Variants in SPAG16 observed in about 807,000 individuals in gnomAD.
SPAG16 encodes the protein sperm associated antigen 16, also known as sperm-associated antigen 16 protein.
A neutral mutation model predicts 80.4 loss-of-function variants in SPAG16; 86 were observed. That is an observed-to-expected ratio of 1.07 (90% confidence interval 0.90 to 1.28). The LOEUF (loss-of-function observed/expected upper bound fraction) is 1.28, where lower values mean the gene tolerates loss of function less well. Ranked by LOEUF, SPAG16 falls within the 50% of genes most tolerant of loss-of-function variation. The pLI is 0.00. For synonymous variants in SPAG16, 294 were observed against 265.9 expected (o/e 1.11, Z -1.03); for missense variants, 870 against 765.3 (o/e 1.14, Z -1.61).
At chr2:214,215,193 C>T (rs555164235) in intron 15 of SPAG16, among the ~76,000 whole-genome samples, 22 of 152,112 alleles carry the variant, frequency 1.4e-4, no homozygotes, top group Non-Finnish European at 2.9e-4. Flanking sequence ...AGACACAGAC[C>T]CTCCAAATTC....
chr2:214,156,842 C>T (rs576545317), intron 15 of SPAG16, among the ~76,000 whole-genome samples: 4 of 152,178 alleles, frequency 2.6e-5, no homozygotes, highest in African/African-American at 9.6e-5. Context: ...AAGAAGAAAG[C>T]AGGCCAACTT....
chr2:213,602,132 C>T (rs191840304), intron 10 of SPAG16, among the ~76,000 whole-genome samples: 10 of 152,322 alleles, frequency 6.6e-5, no homozygotes, highest in East Asian at 5.8e-4. Context: ...TAACAGGCCA[C>T]GGACCAGCAC....
intron 10 of SPAG16, among the ~76,000 whole-genome samples, chr2:213,524,859 A>G (rs1405996129): frequency 6.6e-6 from 1 of 152,096 alleles, no homozygotes; most frequent in Non-Finnish European, 1.5e-5. Flanking sequence ...TGGAATTTTG[A>G]GTTAATGTTG....
At chr2:213,643,558 A>G (rs977431829) in intron 10 of SPAG16, among the ~76,000 whole-genome samples, 4 of 148,956 alleles carry the variant, frequency 2.7e-5, no homozygotes, top group African/African-American at 7.4e-5. Flanking sequence ...TTCTCTATGT[A>G]TAGAAAGTTC....
intron 13 of SPAG16, among the ~76,000 whole-genome samples, chr2:214,062,146 A>G (rs2050297027): frequency 6.6e-6 from 1 of 152,120 alleles, no homozygotes. Flanking sequence ...TGGGCCAGGC[A>G]GAGTGGCTCA....
At chr2:213,413,462 A>G (rs2069096290) in intron 9 of SPAG16, among the ~76,000 whole-genome samples, 1 of 152,180 alleles carries the variant, frequency 6.6e-6, no homozygotes, top group South Asian at 2.1e-4. Flanking sequence ...GCATCTCATC[A>G]TGTGCTAGAC....
At position 213,831,115 on chromosome 2, in the gene SPAG16, C is replaced by T. The variant is rs187887601; in HGVS notation, c.1071-31370C>T. On this transcript the variant is annotated intron_variant, in intron 10 of 15. Coordinates refer to ENST00000331683, the MANE Select transcript of SPAG16 (RefSeq NM_024532.5). ...AGTGCAGTGGCCCAATCTCAGCTCACTGCAACCTTAGCCTCCTGAGTTCAA... is the reference window on the plus strand; with the variant it reads ...AGTGCAGTGGCCCAATCTCAGCTCATTGCAACCTTAGCCTCCTGAGTTCAA... Among the ~76,000 whole-genome samples, 917 of 144,040 alleles carry T rather than the reference C, an allele frequency of 6.4e-3. 10 individuals are homozygous for T. The highest frequency in any genetic ancestry group is 7.8e-3 in the Non-Finnish European group (521 of 66,702). 94.5% of individuals were successfully genotyped at this position (144,040 alleles called of 152,430 possible).
At chr2:213,833,459 TATATATTATATATAATAA>T in intron 10 of SPAG16, among the ~76,000 whole-genome samples, 1 of 15,040 alleles carries the variant, frequency 6.6e-5, no homozygotes, top group Admixed American at 1.3e-3. Flanking sequence ...ATATATTATA[TATATATTATATATAATAA>T]TATATATATT....
At chr2:213,818,265 GT>G (rs150534207) in intron 10 of SPAG16, among the ~76,000 whole-genome samples, 3,257 of 152,288 alleles carry the variant, frequency 0.021, 49 homozygotes, top group Non-Finnish European at 0.033. Flanking sequence ...ACCTGGTAGA[GT>G]TTATCTCATA....
intron 9 of SPAG16, among the ~76,000 whole-genome samples, chr2:213,409,915 T>C (rs2068863696): frequency 2.0e-5 from 3 of 152,162 alleles, no homozygotes; most frequent in Non-Finnish European, 4.4e-5. Flanking sequence ...TTCCTTTTCC[T>C]CAAAACTAAA....
intron 10 of SPAG16, among the ~76,000 whole-genome samples, chr2:213,758,467 T>C (rs1186216628): frequency 2.6e-5 from 4 of 151,790 alleles, no homozygotes; most frequent in Admixed American, 6.5e-5. Flanking sequence ...GAAAATGATA[T>C]ATGAACAAAA....
chr2:214,161,117 G>A (rs557185923), intron 15 of SPAG16, among the ~76,000 whole-genome samples: 1 of 152,124 alleles, frequency 6.6e-6, no homozygotes, highest in East Asian at 1.9e-4. Flanking sequence ...CCATGTTTCT[G>A]CAAATAACAT....
At position 213,591,813 on chromosome 2, in the gene SPAG16, C is replaced by G. The variant is rs544086516; in HGVS notation, c.1070+101723C>G. Among the ~76,000 whole-genome samples, 4 of 152,286 alleles carry G rather than the reference C, an allele frequency of 2.6e-5. No homozygotes were observed. In the South Asian group the frequency reaches 8.3e-4, roughly 32 times the overall value. On this transcript the variant is annotated intron_variant, in intron 10 of 15. Coordinates refer to ENST00000331683, the MANE Select transcript of SPAG16 (RefSeq NM_024532.5). ...GACATAAAAGGATTCTTGCTGAAGA[C>G]AGGCCAGGAGATCAGACAACACCTG... is the stretch of plus-strand genomic sequence containing the variant.
At chr2:213,913,732 C>T (rs1006717964) in intron 11 of SPAG16, among the ~76,000 whole-genome samples, 1 of 151,634 alleles carries the variant, frequency 6.6e-6, no homozygotes, top group African/African-American at 2.4e-5. Flanking sequence ...GAGATACATG[C>T]AGAGACAGAG....
At chr2:213,614,098 C>A (rs1226473225) in intron 10 of SPAG16, among the ~76,000 whole-genome samples, 1 of 152,132 alleles carries the variant, frequency 6.6e-6, no homozygotes, top group Non-Finnish European at 1.5e-5. Flanking sequence ...TACTGTTTCC[C>A]AAACAACTTA....
At chr2:214,387,883 G>T (rs962681624) in intron 15 of SPAG16, among the ~76,000 whole-genome samples, 2 of 152,278 alleles carry the variant, frequency 1.3e-5, no homozygotes, top group South Asian at 2.1e-4. Flanking sequence ...CCCACAGCAC[G>T]TGTGGATTAT....
At position 214,051,338 on chromosome 2, in the gene SPAG16, A is replaced by G. The variant is rs74932708; in HGVS notation, c.1527+37261A>G. On this transcript the variant is annotated intron_variant, in intron 13 of 15. Coordinates refer to ENST00000331683, the MANE Select transcript of SPAG16 (RefSeq NM_024532.5). ...AACTAAGGGTAGAAATAAGAAGACC[A>G]AAAGGAATTGCCAAGAAAAGCTTTT... 2.8e-4 allele frequency among the ~76,000 whole-genome samples: 43 copies of G among 152,342 alleles called. No individual in the cohort carries two copies. In the East Asian group the frequency reaches 8.1e-3, roughly 29 times the overall value.
intron 15 of SPAG16, among the ~76,000 whole-genome samples, chr2:214,405,251 T>A (rs1220656345): frequency 6.6e-6 from 1 of 152,078 alleles, no homozygotes; most frequent in African/African-American, 2.4e-5. Flanking sequence ...GCCTCCACAG[T>A]AGCTAGGACT....
In SPAG16 at chr2:214,125,495, A is replaced by T. The variant is rs546418806; in HGVS notation, c.1593+17234A>T. Among the ~76,000 whole-genome samples, 7 of 151,846 alleles carry T rather than the reference A, an allele frequency of 4.6e-5. No individual in the cohort carries two copies. The South Asian group carries it at 6.2e-4, about 13-fold the overall frequency. On this transcript the variant is annotated intron_variant, in intron 14 of 15. Coordinates refer to ENST00000331683, the MANE Select transcript of SPAG16 (RefSeq NM_024532.5). ...GATACAATTCCATATCTTCAAAGAA[A>T]TATGATTGTTTTACTAGTGAAAAAA... is the stretch of plus-strand genomic sequence containing the variant.
Sources: allele counts gnomAD v4.1 joint callset (sites outside exome capture counted in the v4.1 genomes callset), GRCh38; gene constraint gnomAD v4.1.1; transcripts MANE v1.5; gene names NCBI Gene and HGNC (gene_info 2026-07-23, HGNC 2026-07-21).